UNC13A: variants seen among roughly 807,000 people sequenced by gnomAD.
UNC13A encodes unc-13 homolog A.
Under a neutral mutation model 219.7 loss-of-function variants are expected in UNC13A, and 61 were observed. That is an observed-to-expected ratio of 0.28 (90% CI 0.23 to 0.34). UNC13A has a LOEUF of 0.34. Among genes scored for constraint, UNC13A ranks in the 10% least tolerant of loss-of-function variants. UNC13A has a pLI of 1.00. For synonymous variants in UNC13A, 920 were observed against 884.6 expected (o/e 1.04, Z -0.71); for missense variants, 1,476 against 2,270.3 (o/e 0.65, Z 7.11).
chr19:17,641,377 C>T lies in UNC13A; in HGVS notation c.2636+16G>A. On this transcript the variant is annotated intron_variant, in intron 21 of 43. Coordinates refer to ENST00000519716, the MANE Select transcript of UNC13A (RefSeq NM_001080421.3). ...GACCTCCCTCTTGTTTCCTGCACCC[C>T]AGCCTGCAGTCTCACGTCATGGCTT... The T allele has an allele frequency of 6.2e-7, 1 of 1,612,222 alleles. No homozygotes were observed. Among genetic ancestry groups the T allele is most frequent in the Non-Finnish European group, 8.5e-7 (1 of 1,178,498 alleles).
rs1244368978 is a variant in UNC13A, at chr19:17,647,377, G to A, written c.1932C>T (p.Leu644=). The stretch of plus-strand genomic sequence containing the variant: ...TGGTCACCGCGAAGATCTCCTGGAT[G>A]AGCTCGAAGATCTCGGGCTTGTTGC... ...RERNKPEIFE[L]IQEIFAVTKT... Residue 644 remains leucine, a synonymous_variant, in exon 17 of 44, where the codon CTC becomes CTT. Transcript: ENST00000519716. 2 of 1,613,700 alleles carry A rather than the reference G, an allele frequency of 1.2e-6. No homozygotes were observed. The highest frequency in any genetic ancestry group is 2.2e-5 in the South Asian group (2 of 91,088).
chr19:17,618,986 G>A (rs1316644790), intron 38 of UNC13A, 24 bp from the exon 39 acceptor site: 1 of 1,612,804 alleles, frequency 6.2e-7, no homozygotes. Flanking sequence ...CATACAGCTG[G>A]GTGAGGGCAG....
At position 17,663,539 on chromosome 19, in the gene UNC13A, C is replaced by T. The variant is rs769430781; in HGVS notation, c.552G>A (p.Glu184=). ...ATCAGGCTGAGTACTTACTGTGCTG[C>T]TCACCCCAGCCAAAATAATTCCAGT... ...CCNWNYFGWG[E]QHNDDPDSAV... Residue 184 remains glutamate, a synonymous_variant, in exon 8 of 44, where the codon GAG becomes GAA. Coordinates refer to ENST00000519716, the MANE Select transcript of UNC13A (RefSeq NM_001080421.3). 8 of 1,612,694 alleles carry T rather than the reference C, an allele frequency of 5.0e-6. No individual in the cohort carries two copies. The African/African-American group carries it at 9.3e-5, about 19-fold the overall frequency.
At chr19:17,645,288 C>T (rs1302844634) in intron 19 of UNC13A, among the ~76,000 whole-genome samples, 1 of 151,882 alleles carries the variant, frequency 6.6e-6, no homozygotes, top group African/African-American at 2.4e-5. Context: ...GGATTACAGG[C>T]GTGAGCCACC....
intron 7 of UNC13A, among the ~76,000 whole-genome samples, chr19:17,666,150 TCTC>T (rs2079641011): frequency 6.6e-6 from 1 of 150,660 alleles, no homozygotes; most frequent in Non-Finnish European, 1.5e-5. Context: ...CTTTCTTTCC[TCTC>T]CTCTCCTTCC....
intron 41 of UNC13A, among the ~76,000 whole-genome samples, chr19:17,612,790 A>T (rs2076618328): frequency 6.6e-6 from 1 of 152,180 alleles, no homozygotes; most frequent in South Asian, 2.1e-4. Context: ...GGCTGCAGTG[A>T]GACGAGATCG....
At chr19:17,624,501 G>A (rs1426247454) in intron 35 of UNC13A, among the ~76,000 whole-genome samples, 1 of 152,152 alleles carries the variant, frequency 6.6e-6, no homozygotes, top group Non-Finnish European at 1.5e-5. Flanking sequence ...ACCTTTGAAA[G>A]CTATTTTGAC....
At chr19:17,646,237 G>GCCCAGCGTGCCCTGCCATT in intron 17 of UNC13A, 126 bp from the exon 18 acceptor site, 1 of 1,303,006 alleles carries the variant, frequency 7.7e-7, no homozygotes, top group Non-Finnish European at 1.0e-6. Flanking sequence ...GCAATGGCAG[G>GCCCAGCGTGCCCTGCCATT]GCACGCTGGG....
chr19:17,642,854 A>ACAGG lies in UNC13A; in HGVS notation c.2459_2462dup (p.His823SerfsTer3). On this transcript the variant is annotated frameshift_variant, in exon 20 of 44. Coordinates refer to ENST00000519716, the MANE Select transcript of UNC13A (RefSeq NM_001080421.3). LOFTEE classifies it high-confidence loss of function. Reference sequence around the variant, plus strand: ...GAGCAATGACCCTCACCTCATGCAGACAGGTGTACTGGACATGGTACGGGG... The same window carrying ACAGG: ...GAGCAATGACCCTCACCTCATGCAGACAGGCAGGTGTACTGGACATGGTACGGGG... 6.2e-7 allele frequency: 1 copy of ACAGG among 1,608,706 alleles called. No individual in the cohort carries two copies. The highest frequency in any genetic ancestry group is 8.5e-7 in the Non-Finnish European group (1 of 1,177,580).
At chr19:17,638,319 C>G (rs960765931) in intron 25 of UNC13A, among the ~76,000 whole-genome samples, 31 of 151,652 alleles carry the variant, frequency 2.0e-4, no homozygotes, top group Non-Finnish European at 4.4e-4. Flanking sequence ...AATACAAAAA[C>G]TAGCCTGTCA....
At chr19:17,631,180 T>C (rs1472500358) in intron 28 of UNC13A, among the ~76,000 whole-genome samples, 7 of 9,908 alleles carry the variant, frequency 7.1e-4, no homozygotes, top group African/African-American at 1.8e-3. Flanking sequence ...CCTCCCTCCT[T>C]TCCTTCCTTC....
chr19:17,624,040 TG>T (rs756780107), intron 35 of UNC13A, among the ~76,000 whole-genome samples: 10 of 152,024 alleles, frequency 6.6e-5, no homozygotes, highest in Admixed American at 2.6e-4. Flanking sequence ...CTCTGATGTC[TG>T]AAGTCCATGG....
intron 17 of UNC13A, among the ~76,000 whole-genome samples, 158 bp from the exon 18 acceptor site, chr19:17,646,269 G>GTT (rs1555781065): frequency 6.6e-6 from 1 of 150,742 alleles, no homozygotes; most frequent in Non-Finnish European, 1.5e-5. Flanking sequence ...GGTTTTTTGT[G>GTT]TGTTTGTTTG....
rs190643545 is a variant in UNC13A, at chr19:17,615,842, C to T, written c.4558+1860G>A. Among the ~76,000 whole-genome samples, 137 of 152,208 alleles carry T rather than the reference C, an allele frequency of 9.0e-4. 1 individual carries two copies. The highest frequency in any genetic ancestry group is 3.4e-3 in the Admixed American group (52 of 15,282). On this transcript the variant is annotated intron_variant, in intron 41 of 43. Transcript: ENST00000519716. ...AATTAAAAATTAGCTAGCCATGTGA[C>T]GTGTGCCTGTAGTCCCAGCTCCTCG...
At position 17,639,886 on chromosome 19, in the gene UNC13A, A is replaced by G; in HGVS notation, c.2810T>C (p.Leu937Pro). 6.2e-7 allele frequency: 1 copy of G among 1,613,858 alleles called. No individual in the cohort carries two copies. The highest frequency in any genetic ancestry group is 8.5e-7 in the Non-Finnish European group (1 of 1,179,822). The change falls in exon 23 of 44, where the codon CTG (leucine) becomes CCG (proline). Residue 937 changes from leucine to proline, a missense_variant. Leu to Pro is a moderately conservative substitution (Grantham distance 98, BLOSUM62 -3). Coordinates refer to ENST00000519716, the MANE Select transcript of UNC13A (RefSeq NM_001080421.3). ...NFGKERFVKL[L>P]DQLHNSLRID... The stretch of plus-strand genomic sequence containing the variant: ...CCGCAGGGAGTTATGCAGCTGGTCC[A>G]GGAGTTTCACGAAGCGCTCTTTCTG...
At position 17,644,354 on chromosome 19, in the gene UNC13A, A is replaced by AT. The variant is rs377330128; in HGVS notation, c.2356+1319dup. On this transcript the variant is annotated intron_variant, in intron 19 of 43. Coordinates refer to ENST00000519716, the MANE Select transcript of UNC13A (RefSeq NM_001080421.3). Reference sequence around the variant, plus strand: ...CAGGCACGCATCACCACACCCAGCTATTTTTTTTTTTTTAATGGAGACAAA... The same window carrying AT: ...CAGGCACGCATCACCACACCCAGCTATTTTTTTTTTTTTTAATGGAGACAAA... Among the ~76,000 whole-genome samples, 647 of 141,042 alleles carry AT rather than the reference A, an allele frequency of 4.6e-3. 8 individuals carry two copies. Among genetic ancestry groups the AT allele is most frequent in the African/African-American group, 0.013 (492 of 38,480 alleles). The allele number at this position is 141,042 out of a possible 152,430, so 92.5% of individuals were successfully genotyped here.
chr19:17,658,294 A>G, intron 8 of UNC13A, 25 bp from the exon 9 acceptor site: 1 of 1,596,944 alleles, frequency 6.3e-7, no homozygotes, highest in Non-Finnish European at 8.5e-7. Flanking sequence ...CGGTATGGGA[A>G]GAGGGTGAGG....
intron 1 of UNC13A, among the ~76,000 whole-genome samples, chr19:17,680,909 T>TTTTTTTC (rs2080002309): frequency 7.8e-6 from 1 of 127,640 alleles, no homozygotes; most frequent in Non-Finnish European, 1.7e-5. Context: ...TTTTTTTTTT[T>TTTTTTTC]TTTGACAGGG....
intron 28 of UNC13A, 39 bp downstream of exon 28, chr19:17,632,743 C>T (rs1473326366): frequency 1.2e-6 from 2 of 1,612,886 alleles, no homozygotes; most frequent in African/African-American, 1.3e-5. Flanking sequence ...GTCAGTGCTA[C>T]AGTTCTGGCT....
Sources: allele counts gnomAD v4.1 joint callset (sites outside exome capture counted in the v4.1 genomes callset), GRCh38; gene constraint gnomAD v4.1.1; transcripts MANE v1.5; gene names NCBI Gene and HGNC (gene_info 2026-07-23, HGNC 2026-07-21).